DPP10: variants seen among roughly 807,000 people sequenced by gnomAD.
The protein encoded by DPP10 is inactive dipeptidyl peptidase 10.
In DPP10, 33 loss-of-function variants were observed where a neutral mutation model predicts 120.9. That is an observed-to-expected ratio of 0.27 (90% CI 0.21 to 0.37). The LOEUF is 0.37. Among genes scored for constraint, DPP10 ranks in the 10% least tolerant of loss-of-function variants. The pLI is 1.00. For synonymous variants in DPP10, 337 were observed against 326.1 expected (o/e 1.03, Z -0.36); for missense variants, 816 against 942.8 (o/e 0.87, Z 1.76).
intron 5 of DPP10, among the ~76,000 whole-genome samples, chr2:115,637,810 G>C (rs1315747723): frequency 6.6e-6 from 1 of 152,138 alleles, no homozygotes; most frequent in African/African-American, 2.4e-5. Context: ...GGCCATCCCA[G>C]TCAAACTAAA....
intron 1 of DPP10, among the ~76,000 whole-genome samples, chr2:115,272,777 A>T (rs2059752237): frequency 6.6e-6 from 1 of 152,212 alleles, no homozygotes; most frequent in South Asian, 2.1e-4. Flanking sequence ...ACTGGCTCAC[A>T]TTGGTGCTCT....
intron 1 of DPP10, among the ~76,000 whole-genome samples, chr2:114,866,384 A>G (rs1690237857): frequency 6.6e-6 from 1 of 152,160 alleles, no homozygotes; most frequent in Non-Finnish European, 1.5e-5. Flanking sequence ...TTCTCTTCTA[A>G]TATACTCTCT....
chr2:114,778,737 G>T (rs894459668), intron 1 of DPP10, among the ~76,000 whole-genome samples: 1 of 152,028 alleles, frequency 6.6e-6, no homozygotes, highest in Non-Finnish European at 1.5e-5. Context: ...TCGGTCGCAT[G>T]ACTGCACCTA....
chr2:115,757,373 G>T (rs1325607935), intron 11 of DPP10, among the ~76,000 whole-genome samples: 2 of 152,044 alleles, frequency 1.3e-5, no homozygotes, highest in Middle Eastern at 3.4e-3. Context: ...TTACAGTTCT[G>T]CATGTCTGGG....
At chr2:115,346,832 C>T (rs951171724) in intron 3 of DPP10, among the ~76,000 whole-genome samples, 13 of 152,036 alleles carry the variant, frequency 8.6e-5, no homozygotes, top group African/African-American at 2.2e-4. Context: ...GAAACTTATC[C>T]GAACACACAC....
intron 1 of DPP10, among the ~76,000 whole-genome samples, chr2:114,615,193 A>G (rs1474850651): frequency 6.6e-6 from 1 of 152,150 alleles, no homozygotes; most frequent in Non-Finnish European, 1.5e-5. Context: ...CTAAGTAAAG[A>G]ATAAACTTGC....
intron 3 of DPP10, among the ~76,000 whole-genome samples, chr2:115,433,326 A>C (rs1473774964): frequency 6.6e-6 from 1 of 152,102 alleles, no homozygotes; most frequent in East Asian, 1.9e-4. Flanking sequence ...TCAATTAAAA[A>C]CCATTGAAGA....
chr2:114,850,026 T>TCCTTC, intron 1 of DPP10, among the ~76,000 whole-genome samples: 1 of 143,744 alleles, frequency 7.0e-6, no homozygotes, highest in Non-Finnish European at 1.5e-5. Context: ...CCCTTCCCTT[T>TCCTTC]CCTTCCCTTT....
chr2:115,491,000 C>A lies in DPP10; in HGVS notation c.272-8510C>A, dbSNP rs143335828. Among the ~76,000 whole-genome samples, 13 of 152,246 alleles carry A rather than the reference C, an allele frequency of 8.5e-5. 1 individual carries two copies. Among genetic ancestry groups the A allele is most frequent in the African/African-American group, 3.1e-4 (13 of 41,554 alleles). ...GGGTGTGTTGACTCACACCTGTAGT[C>A]TCAGCTATTCCAGAGGCTGAGGCAG... On this transcript the variant is annotated intron_variant, in intron 3 of 25. Coordinates refer to ENST00000410059, the MANE Select transcript of DPP10 (RefSeq NM_020868.6).
chr2:115,368,202 A>G (rs796645745), intron 3 of DPP10, among the ~76,000 whole-genome samples: 2 of 152,268 alleles, frequency 1.3e-5, no homozygotes, highest in African/African-American at 4.8e-5. Flanking sequence ...AAATTATGAC[A>G]GAGAGAGAAA....
At chr2:114,481,985 AAG>A (rs149076386) in intron 1 of DPP10, among the ~76,000 whole-genome samples, 14 of 150,170 alleles carry the variant, frequency 9.3e-5, no homozygotes, top group East Asian at 2.0e-4. Flanking sequence ...GAGAGAAAGA[AAG>A]AGAGAGAGAG....
intron 1 of DPP10, among the ~76,000 whole-genome samples, chr2:114,642,050 C>T (rs1390711308): frequency 1.3e-5 from 2 of 151,900 alleles, no homozygotes; most frequent in African/African-American, 4.9e-5. Flanking sequence ...TAAGTCTTTG[C>T]CTGCTGATAA....
intron 3 of DPP10, among the ~76,000 whole-genome samples, chr2:115,407,504 G>C (rs1480625726): frequency 6.6e-6 from 1 of 152,152 alleles, no homozygotes; most frequent in African/African-American, 2.4e-5. Context: ...CATTGTCCAA[G>C]GCTCTGTTTG....
chr2:115,740,648 C>G (rs1195517733), intron 9 of DPP10, among the ~76,000 whole-genome samples: 1 of 152,028 alleles, frequency 6.6e-6, no homozygotes, highest in African/African-American at 2.4e-5. Context: ...GACAGCAAAA[C>G]TATTTTCAAG....
chr2:114,777,254 T>A (rs1681835864), intron 1 of DPP10, among the ~76,000 whole-genome samples: 1 of 152,136 alleles, frequency 6.6e-6, no homozygotes, highest in Non-Finnish European at 1.5e-5. Flanking sequence ...ACCTTATAAT[T>A]CTGCAGCCTA....
intron 3 of DPP10, among the ~76,000 whole-genome samples, chr2:115,382,330 G>T (rs929749363): frequency 1.3e-5 from 2 of 152,164 alleles, no homozygotes; most frequent in East Asian, 1.9e-4. Flanking sequence ...TCCAGGTGCC[G>T]TCTGTCACCC....
chr2:115,079,249 G>A (rs896628536), intron 1 of DPP10, among the ~76,000 whole-genome samples: 3 of 152,032 alleles, frequency 2.0e-5, no homozygotes, highest in Non-Finnish European at 2.9e-5. Context: ...ACGTGGTGGC[G>A]GGCACCTGTA....
At chr2:115,631,388 GT>G (rs2085859601) in intron 5 of DPP10, among the ~76,000 whole-genome samples, 1 of 151,870 alleles carries the variant, frequency 6.6e-6, no homozygotes, top group Non-Finnish European at 1.5e-5. Context: ...TTTTTGAAGG[GT>G]TTTTTGGGTC....
At chr2:114,892,043 C>T (rs1317193335) in intron 1 of DPP10, among the ~76,000 whole-genome samples, 1 of 152,152 alleles carries the variant, frequency 6.6e-6, no homozygotes, top group Admixed American at 6.5e-5. Context: ...AGAAAACTTA[C>T]CCTTACCCCC....
Sources: allele counts gnomAD v4.1 joint callset (sites outside exome capture counted in the v4.1 genomes callset), GRCh38; gene constraint gnomAD v4.1.1; transcripts MANE v1.5; gene names NCBI Gene and HGNC (gene_info 2026-07-23, HGNC 2026-07-21).